LMF1: variants seen among roughly 807,000 people sequenced by gnomAD.
The protein encoded by LMF1 is transmembrane protein 112.
In LMF1, 68 loss-of-function variants were observed where a neutral mutation model predicts 60.6. The ratio of observed to expected loss-of-function variants is 1.12; its 90% CI spans 0.92 to 1.37. The LOEUF is 1.37. Among genes scored for constraint, LMF1 ranks in the 40% most tolerant of loss-of-function variants. LMF1 has a pLI of 0.00. For missense variants in LMF1, 948 were observed against 767.2 expected, an observed-to-expected ratio of 1.24 and a Z score of -2.78; for synonymous variants, 418 against 324.7, an observed-to-expected ratio of 1.29 and a Z score of -3.09.
intron 3 of LMF1, among the ~76,000 whole-genome samples, chr16:931,099 C>T (rs978972965): frequency 5.3e-5 from 8 of 151,370 alleles, no homozygotes; most frequent in African/African-American, 7.3e-5. Flanking sequence ...CCAGCCTGGG[C>T]GACAGAGCGA....
Position 955,104 on chromosome 16 carries a change from A to G in LMF1, c.194-438T>C, listed in dbSNP as rs201090860. On this transcript the variant is annotated intron_variant, in intron 1 of 10. Coordinates refer to ENST00000262301, the MANE Select transcript of LMF1 (RefSeq NM_022773.4). ...TGCCCGCAGCAGACGCGGTGTGTGC[A>G]CACACACACACACATCTAAGTAAAC... is the stretch of plus-strand genomic sequence containing the variant. Among the ~76,000 whole-genome samples the G allele has an allele frequency of 8.9e-3, 406 of 45,806 alleles. 68 individuals carry two copies. Among genetic ancestry groups the G allele is most frequent in the African/African-American group, 0.035 (130 of 3,708 alleles). 30.1% of individuals were successfully genotyped at this position (45,806 alleles called of 152,430 possible).
chr16:876,088 G>T (rs908616486), intron 6 of LMF1, among the ~76,000 whole-genome samples: 1 of 152,260 alleles, frequency 6.6e-6, no homozygotes, highest in Non-Finnish European at 1.5e-5. Flanking sequence ...TGTGCGCCCT[G>T]TGGGAAGCAC....
chr16:868,705 C>T (rs540725755), intron 10 of LMF1, among the ~76,000 whole-genome samples: 11 of 131,912 alleles, frequency 8.3e-5, no homozygotes, highest in Non-Finnish European at 1.4e-4. Context: ...CCTCTCACCA[C>T]GGCTGGTTTG....
intron 3 of LMF1, among the ~76,000 whole-genome samples, chr16:914,600 A>G: frequency 6.9e-6 from 1 of 144,604 alleles, no homozygotes; most frequent in African/African-American, 2.7e-5. Context: ...ACCACTGGTG[A>G]CACACTCCCT....
In LMF1 at chr16:952,840, C is replaced by G. The variant is rs1168464516; in HGVS notation, c.503+1517G>C. On this transcript the variant is annotated intron_variant, in intron 2 of 10. Coordinates refer to ENST00000262301, the MANE Select transcript of LMF1 (RefSeq NM_022773.4). ...ACCCACCCCAAACCAGCCTCCTACA[C>G]GTCCACACAGACACCCACCCCAAAC... 1.9e-3 allele frequency among the ~76,000 whole-genome samples: 266 copies of G among 138,976 alleles called. 1 individual carries two copies. Among genetic ancestry groups the G allele is most frequent in the African/African-American group, 6.9e-3 (245 of 35,714 alleles). 91.2% of individuals were successfully genotyped at this position (138,976 alleles called of 152,430 possible).
chr16:941,831 A>C (rs1182099118), intron 2 of LMF1, among the ~76,000 whole-genome samples: 2 of 152,244 alleles, frequency 1.3e-5, no homozygotes, highest in African/African-American at 2.4e-5. Context: ...TTAGAGAGCC[A>C]GTGATGTTAC....
intron 4 of LMF1, chr16:905,235 A>AGTGG: frequency 6.4e-6 from 1 of 156,234 alleles, no homozygotes; most frequent in Non-Finnish European, 1.3e-5. Flanking sequence ...CACCGCCCAC[A>AGTGG]GGATGCCTGT....
rs143903736 is a variant in LMF1, at chr16:876,240, C to G, written c.897+3330G>C. ...AGGTGCAGGAGCCCACGCGCGGCCG[C>G]GGAGGGCAGGAAGCCAGTCCGCAAA... is the stretch of plus-strand genomic sequence containing the variant. On this transcript the variant is annotated intron_variant, in intron 6 of 10. Coordinates refer to ENST00000262301, the MANE Select transcript of LMF1 (RefSeq NM_022773.4). Among the ~76,000 whole-genome samples, 54 of 152,344 alleles carry G rather than the reference C, an allele frequency of 3.5e-4. No individual in the cohort carries two copies. The East Asian group carries it at 0.01, about 28-fold the overall frequency.
chr16:956,610 A>C (rs1406323636), intron 1 of LMF1, among the ~76,000 whole-genome samples: 2 of 142,470 alleles, frequency 1.4e-5, no homozygotes, highest in Admixed American at 1.4e-4. Context: ...TTGGGAGGCC[A>C]AGGCAGGCGG....
chr16:895,179 C>G (rs1216426446), intron 4 of LMF1, among the ~76,000 whole-genome samples: 1 of 152,046 alleles, frequency 6.6e-6, no homozygotes, highest in Non-Finnish European at 1.5e-5. Context: ...CCGGGGCCAT[C>G]AGGACCTCCA....
chr16:922,467 C>T (rs2151768185), intron 3 of LMF1, among the ~76,000 whole-genome samples: 1 of 152,364 alleles, frequency 6.6e-6, no homozygotes, highest in Admixed American at 6.5e-5. Flanking sequence ...GTGGCCAGCC[C>T]TTGTGTGGAC....
intron 10 of LMF1, among the ~76,000 whole-genome samples, chr16:857,359 C>T (rs573171487): frequency 8.1e-4 from 123 of 152,354 alleles, no homozygotes; most frequent in African/African-American, 2.7e-3. Flanking sequence ...CCGAGTGACT[C>T]GATTTCTTGG....
At chr16:925,996 T>G (rs1197282398) in intron 3 of LMF1, among the ~76,000 whole-genome samples, 1 of 150,418 alleles carries the variant, frequency 6.6e-6, no homozygotes, top group Non-Finnish European at 1.5e-5. Context: ...CGTGTCTGTA[T>G]GCATGCATGC....
chr16:909,808 C>T (rs542540499), intron 4 of LMF1, among the ~76,000 whole-genome samples: 5 of 152,220 alleles, frequency 3.3e-5, no homozygotes, highest in South Asian at 2.1e-4. Flanking sequence ...GGCACGGCAG[C>T]CACGCCTCGA....
In LMF1 at chr16:859,974, G is replaced by T. The variant is rs556549694; in HGVS notation, c.1530-5268C>A. Among the ~76,000 whole-genome samples, 5 of 151,070 alleles carry T rather than the reference G, an allele frequency of 3.3e-5. No individual in the cohort carries two copies. The South Asian group carries it at 1.0e-3, about 31-fold the overall frequency. On this transcript the variant is annotated intron_variant, in intron 10 of 10. Coordinates refer to ENST00000262301, the MANE Select transcript of LMF1 (RefSeq NM_022773.4). ...GGTGTGCAGTGATGGTACCGGATGGGTGTGCAGTGGTGTTATGGTGGTTTT... is the reference window on the plus strand; with the variant it reads ...GGTGTGCAGTGATGGTACCGGATGGTTGTGCAGTGGTGTTATGGTGGTTTT...
rs551524929 is a variant in LMF1, at chr16:867,735, G to A, written c.1529+1209C>T. Reference sequence around the variant, plus strand: ...GGATGGAGCCTCCCCTGGACTGCCTGAGGCCGGGCCCATGAGGAGGGACCC... The same window carrying A: ...GGATGGAGCCTCCCCTGGACTGCCTAAGGCCGGGCCCATGAGGAGGGACCC... On this transcript the variant is annotated intron_variant, in intron 10 of 10. Transcript: ENST00000262301. 5.9e-5 allele frequency among the ~76,000 whole-genome samples: 9 copies of A among 152,286 alleles called. No homozygotes were observed. The South Asian group carries it at 1.9e-3, about 32-fold the overall frequency.
chr16:870,818 G>A lies in LMF1; in HGVS notation c.1143C>T (p.Pro381=), dbSNP rs376813485. Residue 381 remains proline (P), a synonymous_variant, in exon 8 of 11, where the codon CCC becomes CCT. Coordinates refer to ENST00000262301, the MANE Select transcript of LMF1 (RefSeq NM_022773.4). ...TGGAGCTCAGCAAGTTGAGGACCAC[G>A]GGCACGCTGAGCCAGGCCAGCAGGA... ...LGVLLAWLSV[P]VVLNLLSSRQ... 114 of 1,612,578 alleles carry A rather than the reference G, an allele frequency of 7.1e-5. No homozygotes were observed. The African/African-American group carries it at 1.0e-3, about 14-fold the overall frequency.
chr16:862,340 C>T (rs1156516787), intron 10 of LMF1, among the ~76,000 whole-genome samples: 1 of 151,962 alleles, frequency 6.6e-6, no homozygotes, highest in Non-Finnish European at 1.5e-5. Context: ...GATGGGGTTT[C>T]ACCATGTTGG....
chr16:865,313 G>A (rs1014586646), intron 10 of LMF1, among the ~76,000 whole-genome samples: 5 of 152,136 alleles, frequency 3.3e-5, no homozygotes, highest in Non-Finnish European at 5.9e-5. Context: ...AACATGATTG[G>A]AACTCAAGAG....
Sources: allele counts gnomAD v4.1 joint callset (sites outside exome capture counted in the v4.1 genomes callset), GRCh38; gene constraint gnomAD v4.1.1; transcripts MANE v1.5; gene names NCBI Gene and HGNC (gene_info 2026-07-23, HGNC 2026-07-21).